The following GGTA1 variants were observed in gnomAD, a reference collection of about 807,000 sequenced individuals.
The protein encoded by GGTA1 is glycoprotein alpha-galactosyltransferase 1 (inactive).
GGTA1 carries 5 observed loss-of-function variants against 2.6 expected under a neutral mutation model. The ratio of observed to expected loss-of-function variants is 1.92; its 90% CI spans 1.00 to 4.04. GGTA1 has a LOEUF of 4.04. GGTA1 is among the 30% of genes most tolerant of loss of function. The pLI, the probability that GGTA1 is intolerant of heterozygous loss-of-function variation, is 0.00. For missense variants in GGTA1, 50 were observed against 16.7 expected, an observed-to-expected ratio of 2.99 and a Z score of -3.47; for synonymous variants, 17 against 5.0, an observed-to-expected ratio of 3.38 and a Z score of -3.19.
intron 5 of GGTA1, 54 bp from the exon 6 acceptor site, chr9:121,455,895 A>G (rs1473165986): frequency 2.2e-6 from 1 of 451,506 alleles, no homozygotes; most frequent in Non-Finnish European, 4.4e-6. Flanking sequence ...AAATTAAAAT[A>G]TTCTATTTCC....
Position 121,476,409 on chromosome 9 carries a change from G to A in GGTA1, c.-9-8478C>T, listed in dbSNP as rs902861768. Among the ~76,000 whole-genome samples, 7 of 152,024 alleles carry A rather than the reference G, an allele frequency of 4.6e-5. No individual in the cohort carries two copies. The highest frequency in any genetic ancestry group is 7.3e-5 in the African/African-American group (3 of 41,366). Reference sequence around the variant, plus strand: ...CACAGTGCCAGCTTTCTAAACTGGCGTCACGAGTTTCTCTGGCCTCAGACT... The same window carrying A: ...CACAGTGCCAGCTTTCTAAACTGGCATCACGAGTTTCTCTGGCCTCAGACT... On this transcript the variant is annotated intron_variant, in intron 1 of 5. Coordinates refer to ENST00000481799, the MANE Select transcript of GGTA1 (RefSeq NM_001382585.1). This position sits in a 1 kb window ranked among gnomAD's most constrained non-coding sequence, Gnocchi z 4.6.
rs1189966690 is a variant in GGTA1, at chr9:121,476,379, A to C, written c.-9-8448T>G. Among the ~76,000 whole-genome samples the C allele has an allele frequency of 6.6e-6, 1 of 151,866 alleles. No individual in the cohort carries two copies. Among genetic ancestry groups the C allele is most frequent in the Non-Finnish European group, 1.5e-5 (1 of 67,998 alleles). ...CATAGTCCTGCAGGTCAGCCCCAGC[A>C]CCAACACAGTGCCAGCTTTCTAAAC... On this transcript the variant is annotated intron_variant, in intron 1 of 5. Transcript: ENST00000481799. The surrounding 1 kb of genome is among the most constrained non-coding windows in gnomAD (Gnocchi z 4.6).
chr9:121,459,039 C>T (rs868832617), intron 5 of GGTA1, among the ~76,000 whole-genome samples: 24 of 152,342 alleles, frequency 1.6e-4, no homozygotes, highest in Admixed American at 4.6e-4. Context: ...CATCAAATGA[C>T]ATATGGGAAG....
intron 1 of GGTA1, among the ~76,000 whole-genome samples, chr9:121,482,836 T>A (rs958165929): frequency 2.0e-5 from 3 of 151,730 alleles, no homozygotes; most frequent in African/African-American, 7.3e-5. Context: ...GTCCCAGTTA[T>A]TCTGGAGGCT....
At chr9:121,456,073 A>G (rs1564650489) in intron 5 of GGTA1, among the ~76,000 whole-genome samples, 1 of 152,156 alleles carries the variant, frequency 6.6e-6, no homozygotes, top group Non-Finnish European at 1.5e-5. Flanking sequence ...AGTCTTAGTC[A>G]TCAAAACCCA....
At chr9:121,457,357 A>G (rs2064919956) in intron 5 of GGTA1, among the ~76,000 whole-genome samples, 1 of 152,174 alleles carries the variant, frequency 6.6e-6, no homozygotes, top group Non-Finnish European at 1.5e-5. Flanking sequence ...ATGGTATCTA[A>G]TCTCACTAAT....
At chr9:121,465,026 C>T (rs1056805412) in intron 2 of GGTA1, among the ~76,000 whole-genome samples, 1 of 124,214 alleles carries the variant, frequency 8.1e-6, no homozygotes, top group Non-Finnish European at 1.9e-5. Context: ...AAACAAAAAA[C>T]AACTCCTCCC....
chr9:121,482,959 G>T (rs1828684969), intron 1 of GGTA1, among the ~76,000 whole-genome samples: 1 of 151,952 alleles, frequency 6.6e-6, no homozygotes, highest in South Asian at 2.1e-4. Flanking sequence ...TCAAAAAAAA[G>T]AAAAGAAAAA....
At chr9:121,465,048 T>A (rs952609200) in intron 2 of GGTA1, among the ~76,000 whole-genome samples, 1 of 151,468 alleles carries the variant, frequency 6.6e-6, no homozygotes, top group African/African-American at 2.4e-5. Flanking sequence ...TTGAAGTTTT[T>A]TGCAGATGTT....
At chr9:121,472,725 A>G (rs960080832) in intron 1 of GGTA1, among the ~76,000 whole-genome samples, 1 of 152,196 alleles carries the variant, frequency 6.6e-6, no homozygotes, top group African/African-American at 2.4e-5. Context: ...GAGGCAACAG[A>G]GAGGCTGGCT....
At chr9:121,477,573 CTTT>C (rs34446366) in intron 1 of GGTA1, among the ~76,000 whole-genome samples, 1 of 101,494 alleles carries the variant, frequency 9.9e-6, no homozygotes, top group Non-Finnish European at 1.7e-5. Flanking sequence ...TGCAACCTTG[CTTT>C]TTTTTTTTTT....
intron 5 of GGTA1, among the ~76,000 whole-genome samples, chr9:121,457,234 G>A (rs927653500): frequency 6.6e-6 from 1 of 152,218 alleles, no homozygotes; most frequent in Non-Finnish European, 1.5e-5. Flanking sequence ...CAAGGGTGGG[G>A]TGGAATTGAG....
intron 1 of GGTA1, among the ~76,000 whole-genome samples, chr9:121,480,765 C>G (rs1828626784): frequency 6.6e-6 from 1 of 152,168 alleles, no homozygotes; most frequent in Non-Finnish European, 1.5e-5. Context: ...ACTATTTAAG[C>G]CAAACAGATG....
chr9:121,446,527 A>G (rs2064853020), exon 8 of GGTA1: 1 of 152,258 alleles, frequency 6.6e-6, no homozygotes, highest in Admixed American at 6.5e-5. Context: ...ATAGGCAGAC[A>G]TTGAACTCAA....
chr9:121,446,830 T>C lies in GGTA1; in HGVS notation c.*886A>G, dbSNP rs111646712. 1.3e-3 allele frequency: 199 copies of C among 152,348 alleles called. 1 individual carries two copies. The highest frequency in any genetic ancestry group is 4.5e-3 in the African/African-American group (189 of 41,584). The allele number at this position is 152,348 out of a possible 1,614,324, so 9.4% of individuals were successfully genotyped here. ...TCATTAGTATTTTTTGAAGTTAAAATTAAGTGTTACTTTTCTGAGGAAGTA... is the reference window on the plus strand; with the variant it reads ...TCATTAGTATTTTTTGAAGTTAAAACTAAGTGTTACTTTTCTGAGGAAGTA... On this transcript the variant is annotated 3_prime_UTR_variant and NMD_transcript_variant, in exon 8 of 8. Transcript: ENST00000481534.
chr9:121,464,630 C>CAAAAACA (rs144684179), intron 2 of GGTA1, among the ~76,000 whole-genome samples: 5 of 2,426 alleles, frequency 2.1e-3, no homozygotes, highest in Non-Finnish European at 5.4e-3. Flanking sequence ...AAAACAAAAA[C>CAAAAACA]AAAACAAAAC....
rs140107393 is a variant in GGTA1, at chr9:121,460,249, A to C, written c.183-30T>G. 635 of 457,006 alleles carry C rather than the reference A, an allele frequency of 1.4e-3. 2 individuals carry two copies. Among genetic ancestry groups the C allele is most frequent in the African/African-American group, 0.012 (582 of 50,172 alleles). The allele number at this position is 457,006 out of a possible 1,614,324, so 28.3% of individuals were successfully genotyped here. Reference sequence around the variant, plus strand: ...GTACAAAGGGAAAGTAAACCAGGTAAGGCAGGGAAGGTGATTGCGGTGGTC... The same window carrying C: ...GTACAAAGGGAAAGTAAACCAGGTACGGCAGGGAAGGTGATTGCGGTGGTC... On this transcript the variant is annotated intron_variant, in intron 4 of 5. Coordinates refer to ENST00000481799, the MANE Select transcript of GGTA1 (RefSeq NM_001382585.1).
chr9:121,478,693 C>G (rs1435653819), intron 1 of GGTA1, among the ~76,000 whole-genome samples: 1 of 152,182 alleles, frequency 6.6e-6, no homozygotes, highest in African/African-American at 2.4e-5. Flanking sequence ...AGACAGGTCT[C>G]AGACTGAATA....
chr9:121,459,511 T>C (rs2118663717), intron 5 of GGTA1, among the ~76,000 whole-genome samples: 1 of 152,314 alleles, frequency 6.6e-6, no homozygotes, highest in South Asian at 2.1e-4. Flanking sequence ...GATACCTCAT[T>C]GCACATCTCC....
Sources: gnomAD v4.1 joint callset for allele counts (sites outside exome capture counted in the v4.1 genomes callset) on GRCh38, gnomAD v4.1.1 for gene constraint, Gnocchi (gnomAD v3.1) non-coding constraint, MANE v1.5 for transcripts, NCBI Gene and HGNC (gene_info 2026-07-23, HGNC 2026-07-21) for gene names.